MLXIPL: variants seen among roughly 807,000 people sequenced by gnomAD.
The protein encoded by MLXIPL is carbohydrate-responsive element-binding protein.
MLXIPL carries 49 observed loss-of-function variants against 81.5 expected under a neutral mutation model. That is an observed-to-expected ratio of 0.60 (90% CI 0.48 to 0.76). The LOEUF (loss-of-function observed/expected upper bound fraction) is 0.76. Among genes scored for constraint, MLXIPL ranks in the 30% least tolerant of loss-of-function variants. The pLI, the probability that MLXIPL is intolerant of heterozygous loss-of-function variation, is 0.00. For missense variants in MLXIPL, 1,053 were observed against 1,167.0 expected, an observed-to-expected ratio of 0.90 and a Z score of 1.42; for synonymous variants, 466 against 485.5, an observed-to-expected ratio of 0.96 and a Z score of 0.53.
chr7:73,646,585 G>T, the MLXIPL span, among the ~76,000 whole-genome samples: 2 of 152,062 alleles, frequency 1.3e-5, no homozygotes, highest in African/African-American at 4.8e-5. Flanking sequence ...GTCCTTAGGG[G>T]GCAATTAGGG....
Position 73,597,592 on chromosome 7 carries a change from T to C in MLXIPL, c.1193A>G (p.Tyr398Cys). The C allele has an allele frequency of 2.3e-6, 2 of 862,328 alleles. No individual in the cohort carries two copies. The highest frequency in any genetic ancestry group is 2.7e-6 in the Non-Finnish European group (2 of 737,384). The allele number at this position is 862,328 out of a possible 1,614,324, so 53.4% of individuals were successfully genotyped here. A position where few individuals can be genotyped will look rare whatever the true frequency, so the allele number is the denominator to read the frequency against. ...PPPVPPPLLHYPPPAKVPGLE... is the reference protein window; with the variant it reads ...PPPVPPPLLHCPPPAKVPGLE... ...GCCTGGCACCTTGGCAGGGGGAGGG[T>C]AATGCAGCAGAGGTGGGGGTACAGG... The change falls in exon 9 of 17, where the codon TAC becomes TGC. Residue 398 changes from tyrosine to cysteine, a missense_variant. By Grantham distance (194) the Tyr-to-Cys change is radical. Transcript: ENST00000313375.
rs782648267 is a variant in MLXIPL, at chr7:73,624,444, C to T, written c.49G>A (p.Val17Ile). ...GLAAGLQVPR[V>I]APSPDSDSDT... ...GAGTCCGAGTCTGGGCTGGGCGCGA[C>T]CCGCGGGACCTGCAAGCCCGCGGCC... Residue 17 changes from valine to isoleucine, a missense_variant, in exon 1 of 17, where the codon GTC (valine) becomes ATC (isoleucine). Around this residue, in one of 3 missense-constraint regions of MLXIPL, gnomAD observed 226 missense variants for 216.2 expected, o/e 1.05. Coordinates refer to ENST00000313375, the MANE Select transcript of MLXIPL (RefSeq NM_032951.3). 1.9e-6 allele frequency: 3 copies of T among 1,554,332 alleles called. No homozygotes were observed. The highest frequency in any genetic ancestry group is 2.6e-6 in the Non-Finnish European group (3 of 1,157,856).
At chr7:73,639,000 GA>G in the MLXIPL span, among the ~76,000 whole-genome samples, 8 of 151,220 alleles carry the variant, frequency 5.3e-5, no homozygotes, top group East Asian at 1.9e-4. Context: ...GTAGAGAGGA[GA>G]AAAAAAAATA....
the MLXIPL span, among the ~76,000 whole-genome samples, chr7:73,641,859 C>T: frequency 6.6e-6 from 1 of 152,148 alleles, no homozygotes. Flanking sequence ...TGGTCTCAAA[C>T]TCCTGACCTC....
At chr7:73,626,974 T>C (rs1796764865), upstream of MLXIPL, among the ~76,000 whole-genome samples, 2 of 152,218 alleles carry the variant, frequency 1.3e-5, no homozygotes, top group South Asian at 4.1e-4. Context: ...CCCCAGCCAC[T>C]GGCTGTGGGA....
At chr7:73,599,081 A>G (rs1794581609) in intron 8 of MLXIPL, among the ~76,000 whole-genome samples, 1 of 151,904 alleles carries the variant, frequency 6.6e-6, no homozygotes, top group Admixed American at 6.6e-5. Flanking sequence ...GAAAAAAAAA[A>G]AAAAGAATTG....
Position 73,595,908 on chromosome 7 carries a change from C to G in MLXIPL, c.2120G>C (p.Arg707Pro). 6.2e-7 allele frequency: 1 copy of G among 1,613,246 alleles called. No homozygotes were observed. The highest frequency in any genetic ancestry group is 8.5e-7 in the Non-Finnish European group (1 of 1,179,936). The change falls in exon 14 of 17, where the codon CGT (arginine) becomes CCT (proline). Residue 707 changes from arginine to proline, a missense_variant. Arg to Pro is a moderately radical substitution (Grantham distance 103). Transcript: ENST00000313375. ...AEYILMLQQE[R>P]AGLQEEAQQL... ...CTGGGCCTCCTCCTGCAAGCCCGCACGCTCCTGCTGTAGCATAAGGATGTA... is the reference window on the plus strand; with the variant it reads ...CTGGGCCTCCTCCTGCAAGCCCGCAGGCTCCTGCTGTAGCATAAGGATGTA...
the MLXIPL span, among the ~76,000 whole-genome samples, chr7:73,632,743 TTTCCTTCCTTCCTTCCTTCCTTCC>T: frequency 2.3e-3 from 304 of 133,946 alleles, 1 homozygote; most frequent in African/African-American, 6.9e-3. Context: ...TCCTTCCTTC[TTTCCTTCCTTCCTTCCTTCCTTCC>T]TTCCTTCCTT....
chr7:73,606,260 G>T, intron 5 of MLXIPL, 149 bp from the exon 6 acceptor site: 1 of 807,292 alleles, frequency 1.2e-6, no homozygotes. Flanking sequence ...CTAGCTTGCT[G>T]CTTGAAAGGC....
chr7:73,619,636 A>C (rs1796212744), intron 1 of MLXIPL, among the ~76,000 whole-genome samples: 1 of 151,434 alleles, frequency 6.6e-6, no homozygotes, highest in Non-Finnish European at 1.5e-5. Flanking sequence ...CTCATAAAAA[A>C]CAAGTAAATT....
chr7:73,645,506 G>A, the MLXIPL span, among the ~76,000 whole-genome samples: 11 of 152,174 alleles, frequency 7.2e-5, no homozygotes, highest in Non-Finnish European at 1.5e-4. Flanking sequence ...GGGTGGGGAG[G>A]GGGTGGAGGT....
rs782660050 is a variant in MLXIPL at position 73,624,410 on chromosome 7, T to G, written c.83A>C (p.Asp28Ala). The change falls in exon 1 of 17, where the codon GAC (aspartate) becomes GCC (alanine). Residue 28 changes from aspartate to alanine, a missense_variant. By Grantham distance (126) the Asp-to-Ala change is moderately radical (BLOSUM62 -2). Coordinates refer to ENST00000313375, the MANE Select transcript of MLXIPL (RefSeq NM_032951.3). ...GCGCCGGAGACTCGGGTCCTCCGAG[T>G]CTGTGTCCGAGTCCGAGTCTGGGCT... ...APSPDSDSDTDSEDPSLRRSA... is the reference protein window; with the variant it reads ...APSPDSDSDTASEDPSLRRSA... 1.3e-6 allele frequency: 2 copies of G among 1,567,382 alleles called. No homozygotes were observed. The highest frequency in any genetic ancestry group is 2.3e-5 in the South Asian group (2 of 86,976).
Position 73,599,585 on chromosome 7 carries a change from G to T in MLXIPL, c.1012C>A (p.Pro338Thr), listed in dbSNP as rs782577258. Residue 338 changes from proline to threonine, a missense_variant, in exon 8 of 17, where the codon CCA (proline) becomes ACA (threonine). By Grantham distance (38) the Pro-to-Thr change is conservative. This residue lies in a region of MLXIPL where 823 missense variants were observed against 933.0 expected (regional missense o/e 0.88). Coordinates refer to ENST00000313375, the MANE Select transcript of MLXIPL (RefSeq NM_032951.3). ...DSLFSSGTLG[P>T]EVPPASSAMT... ...GCCGAGGAAGCCGGGGGCACCTCTG[G>T]GCCCAGGGTCCCACTGCTGAAGAGG... 5 of 1,612,808 alleles carry T rather than the reference G, an allele frequency of 3.1e-6. No individual in the cohort carries two copies. The South Asian group carries it at 5.5e-5, about 18-fold the overall frequency.
At chr7:73,608,486 C>G (rs1554599011) in intron 2 of MLXIPL, among the ~76,000 whole-genome samples, 1 of 151,948 alleles carries the variant, frequency 6.6e-6, no homozygotes, top group African/African-American at 2.4e-5. Flanking sequence ...CCTTGGGAGG[C>G]TGAGGCAGGA....
Position 73,595,492 on chromosome 7 carries a change from G to C in MLXIPL, c.2310+145C>G. On this transcript the variant is annotated intron_variant, in intron 15 of 16. Transcript: ENST00000313375. ...TGGCCAAGATGGCCAGGGCATGGAA[G>C]CAGGGGGCAGAGCCAGAGCCTGTCA... 1.9e-6 allele frequency: 3 copies of C among 1,571,568 alleles called. No individual in the cohort carries two copies. The South Asian group carries it at 3.4e-5, about 18-fold the overall frequency.
chr7:73,626,583 A>G (rs961841847), upstream of MLXIPL, among the ~76,000 whole-genome samples: 2 of 151,954 alleles, frequency 1.3e-5, no homozygotes, highest in Non-Finnish European at 2.9e-5. Flanking sequence ...TCTCACCTTG[A>G]GGACAGAAAC....
rs959088840 is a variant in MLXIPL at position 73,597,372 on chromosome 7, G to T, written c.1413C>A (p.Pro471=). 2 of 1,468,022 alleles carry T rather than the reference G, an allele frequency of 1.4e-6. No individual in the cohort carries two copies. Among genetic ancestry groups the T allele is most frequent in the South Asian group, 1.4e-5 (1 of 70,720 alleles). The allele number at this position is 1,468,022 out of a possible 1,614,324, so 90.9% of individuals were successfully genotyped here. ...AATACCCCAAGGGTAGAAGCTCTAT[G>T]GGGAAGGGGGTGGGGGCTGGGCTGG... ...SVPSPAPTPF[P]IELLPLGYSE... The change falls in exon 9 of 17, where the codon CCC becomes CCA. Residue 471 remains proline (P), a synonymous_variant. Coordinates refer to ENST00000313375, the MANE Select transcript of MLXIPL (RefSeq NM_032951.3).
rs541039842 is a variant in MLXIPL at position 73,616,193 on chromosome 7, G to A, written c.294-16C>T. On this transcript the variant is annotated splice_polypyrimidine_tract_variant and intron_variant, in intron 1 of 16. Coordinates refer to ENST00000313375, the MANE Select transcript of MLXIPL (RefSeq NM_032951.3). ...CAGCTTGCCACTGTCAAAGGGGAGA[G>A]GAGTAGGGTTAGGGAGATGCAGTGC... 1.3e-6 allele frequency: 2 copies of A among 1,598,362 alleles called. No homozygotes were observed. The highest frequency in any genetic ancestry group is 3.3e-5 in the Admixed American group (2 of 59,978).
At position 73,624,414 on chromosome 7, in the gene MLXIPL, T is replaced by TG; in HGVS notation, c.78dup (p.Thr27HisfsTer127). ...CGGAGACTCGGGTCCTCCGAGTCTG[T>TG]GTCCGAGTCCGAGTCTGGGCTGGGC... On this transcript the variant is annotated frameshift_variant, in exon 1 of 17. Coordinates refer to ENST00000313375, the MANE Select transcript of MLXIPL (RefSeq NM_032951.3). LOFTEE classifies it high-confidence loss of function. The TG allele has an allele frequency of 6.4e-7, 1 of 1,566,916 alleles. No individual in the cohort carries two copies. Among genetic ancestry groups the TG allele is most frequent in the Non-Finnish European group, 8.6e-7 (1 of 1,162,994 alleles).
Sources: gnomAD v4.1 joint callset for allele counts (sites outside exome capture counted in the v4.1 genomes callset) on GRCh38, gnomAD v4.1.1 for gene constraint, gnomAD v4.1.1 regional missense constraint, MANE v1.5 for transcripts, NCBI Gene and HGNC (gene_info 2026-07-23, HGNC 2026-07-21) for gene names.